The following UGGT1 variants were observed in gnomAD, a reference collection of about 807,000 sequenced individuals.
UGGT1 encodes UDP-glucose:glycoprotein glucosyltransferase 1.
A neutral mutation model predicts 203.9 loss-of-function variants in UGGT1; 107 were observed. The observed-to-expected ratio is 0.52, with a 90% CI of 0.45 to 0.62. The LOEUF (loss-of-function observed/expected upper bound fraction) is 0.62. UGGT1 is among the 20% of genes least tolerant of loss of function. UGGT1 has a pLI of 0.00. For missense variants in UGGT1, 1,673 were observed against 1,867.2 expected (o/e 0.90, Z 1.92); for synonymous variants, 628 against 653.5 (o/e 0.96, Z 0.59).
intron 36 of UGGT1, among the ~76,000 whole-genome samples, chr2:128,181,427 A>G (rs1691683029): frequency 1.3e-5 from 2 of 152,228 alleles, no homozygotes; most frequent in South Asian, 4.1e-4. Context: ...TGGGTAATAG[A>G]CGAAGCTTAA....
At position 128,189,874 on chromosome 2, in the gene UGGT1, C is replaced by T; in HGVS notation, c.*132C>T. 2.0e-6 allele frequency: 2 copies of T among 984,610 alleles called. No homozygotes were observed. The highest frequency in any genetic ancestry group is 2.2e-5 in the Admixed American group (1 of 44,666). The allele number at this position is 984,610 out of a possible 1,614,324, so 61.0% of individuals were successfully genotyped here. On this transcript the variant is annotated 3_prime_UTR_variant, in exon 41 of 41. Transcript: ENST00000259253. ...GAGTGCCACACCTTTTGATTCTGAGCATTTGATTCTGACTTCTGTACTCTG... is the reference window on the plus strand; with the variant it reads ...GAGTGCCACACCTTTTGATTCTGAGTATTTGATTCTGACTTCTGTACTCTG...
At chr2:128,136,577 G>A (rs1689140730) in intron 15 of UGGT1, among the ~76,000 whole-genome samples, 1 of 152,200 alleles carries the variant, frequency 6.6e-6, no homozygotes, top group Non-Finnish European at 1.5e-5. Flanking sequence ...TAGTCATTAT[G>A]TGGATGTCCC....
At chr2:128,160,356 A>T in intron 23 of UGGT1, 104 bp from the exon 24 acceptor site, 1 of 1,235,200 alleles carries the variant, frequency 8.1e-7, no homozygotes, top group Non-Finnish European at 1.1e-6. Context: ...ATTAGTTATT[A>T]CTTTCCAGGG....
rs143064125 is a variant in UGGT1 at position 128,154,955 on chromosome 2, T to G, written c.2138-534T>G. On this transcript the variant is annotated intron_variant, in intron 19 of 40. Coordinates refer to ENST00000259253, the MANE Select transcript of UGGT1 (RefSeq NM_020120.4). ...TAATAATTTGAGGGAAAATGAGTAA[T>G]GAGGATTGCCCTTTGACACTAATTG... 3.8e-4 allele frequency among the ~76,000 whole-genome samples: 58 copies of G among 152,278 alleles called. No individual in the cohort carries two copies. In the East Asian group the frequency reaches 9.6e-3, roughly 25 times the overall value.
At chr2:128,142,977 C>CAAAA in intron 16 of UGGT1, 117 bp from the exon 17 acceptor site, 4 of 873,182 alleles carry the variant, frequency 4.6e-6, no homozygotes, top group Non-Finnish European at 6.1e-6. Flanking sequence ...AACTCCGTCT[C>CAAAA]AAAAAAAAAA....
At chr2:128,163,085 T>G (rs1305589436) in intron 25 of UGGT1, among the ~76,000 whole-genome samples, 1 of 152,208 alleles carries the variant, frequency 6.6e-6, no homozygotes, top group Non-Finnish European at 1.5e-5. Flanking sequence ...TTGATCATTG[T>G]TCTTCATCAG....
intron 26 of UGGT1, among the ~76,000 whole-genome samples, chr2:128,166,225 G>C (rs1465073254): frequency 3.3e-5 from 5 of 152,136 alleles, no homozygotes; most frequent in Admixed American, 6.5e-5. Flanking sequence ...ATCTGCACAC[G>C]TGCATGTTGT....
intron 10 of UGGT1, among the ~76,000 whole-genome samples, chr2:128,122,630 T>G (rs1256593125): frequency 6.6e-6 from 1 of 152,238 alleles, no homozygotes; most frequent in Non-Finnish European, 1.5e-5. Context: ...CAAAATTGTT[T>G]TAAAAGCCAC....
At chr2:128,123,135 A>T (rs1345620420) in intron 10 of UGGT1, 51 bp from the exon 11 acceptor site, 17 of 1,386,036 alleles carry the variant, frequency 1.2e-5, no homozygotes, top group Non-Finnish European at 1.7e-5. Context: ...GAAATTGAAG[A>T]CTTTATATCA....
At chr2:128,174,647 T>G in intron 30 of UGGT1, 126 bp from the exon 31 acceptor site, 3 of 849,154 alleles carry the variant, frequency 3.5e-6, no homozygotes, top group Non-Finnish European at 5.5e-6. Context: ...AAGAGTTGCA[T>G]TGATTTGTTT....
rs1393866118 is a variant in UGGT1 at position 128,098,604 on chromosome 2, GC to G, written c.194+1041del. Among the ~76,000 whole-genome samples, 4 of 152,228 alleles carry G rather than the reference GC, an allele frequency of 2.6e-5. No individual in the cohort carries two copies. The South Asian group carries it at 8.3e-4, about 32-fold the overall frequency. ...AACCCCGTCTCTCCAGAAAAAAATA[GC>G]TGAGTGTGGTGGTTCGTGCCTATAG... On this transcript the variant is annotated intron_variant, in intron 2 of 40. Coordinates refer to ENST00000259253, the MANE Select transcript of UGGT1 (RefSeq NM_020120.4).
chr2:128,163,911 G>T (rs1272901572), intron 25 of UGGT1, among the ~76,000 whole-genome samples: 1 of 152,130 alleles, frequency 6.6e-6, no homozygotes, highest in African/African-American at 2.4e-5. Flanking sequence ...GGGCACGGTG[G>T]CTCACACCTG....
chr2:128,177,474 A>G (rs1016733023), intron 32 of UGGT1, among the ~76,000 whole-genome samples: 2 of 152,050 alleles, frequency 1.3e-5, no homozygotes, highest in African/African-American at 4.8e-5. Context: ...CTCCCTCCCA[A>G]CAGCTAGAGC....
At chr2:128,183,438 A>G (rs1008285735) in intron 37 of UGGT1, among the ~76,000 whole-genome samples, 2 of 152,224 alleles carry the variant, frequency 1.3e-5, no homozygotes, top group African/African-American at 4.8e-5. Flanking sequence ...GTCTGAGATT[A>G]TTTCTTTCGG....
intron 4 of UGGT1, 104 bp downstream of exon 4, chr2:128,108,172 T>A: frequency 7.3e-7 from 1 of 1,369,158 alleles, no homozygotes; most frequent in Non-Finnish European, 9.8e-7. Flanking sequence ...TTATCACTTT[T>A]TTGCCTGAAA....
chr2:128,151,179 G>A (rs1689944652), intron 18 of UGGT1: 1 of 498,324 alleles, frequency 2.0e-6, no homozygotes, highest in Non-Finnish European at 3.8e-6. Context: ...CTGCAGCCAG[G>A]GGTCCCTTCC....
Position 128,134,897 on chromosome 2 carries a change from C to T in UGGT1, c.1519C>T (p.His507Tyr). The T allele has an allele frequency of 6.2e-7, 1 of 1,613,884 alleles. No homozygotes were observed. Among genetic ancestry groups the T allele is most frequent in the Non-Finnish European group, 8.5e-7 (1 of 1,179,934 alleles). Residue 507 changes from histidine to tyrosine, a missense_variant, in exon 15 of 41, where the codon CAT becomes TAT. Physicochemically the swap from His to Tyr is moderately conservative, Grantham distance 83. Coordinates refer to ENST00000259253, the MANE Select transcript of UGGT1 (RefSeq NM_020120.4). ...HNMVFIVDPA[H>Y]ETTAELMNTA... Reference sequence around the variant, plus strand: ...ACAGGTTTTCATAGTTGATCCTGCACATGAGACCACAGCAGAGTTGATGAA... The same window carrying T: ...ACAGGTTTTCATAGTTGATCCTGCATATGAGACCACAGCAGAGTTGATGAA...
intron 4 of UGGT1, among the ~76,000 whole-genome samples, chr2:128,109,074 T>C (rs1348881644): frequency 6.6e-6 from 1 of 152,138 alleles, no homozygotes; most frequent in Non-Finnish European, 1.5e-5. Context: ...GTATTTTTAG[T>C]AGAGACAGGA....
chr2:128,161,070 T>C, intron 24 of UGGT1, 68 bp from the exon 25 acceptor site: 1 of 1,588,264 alleles, frequency 6.3e-7, no homozygotes. Context: ...CGCCAGAGGG[T>C]TCCTTACCAG....
Sources: gnomAD v4.1 joint callset for allele counts (sites outside exome capture counted in the v4.1 genomes callset) on GRCh38, gnomAD v4.1.1 for gene constraint, MANE v1.5 for transcripts, NCBI Gene and HGNC (gene_info 2026-07-23, HGNC 2026-07-21) for gene names.